The following PWP1 variants were observed in gnomAD, a reference collection of about 807,000 sequenced individuals.
PWP1 encodes the protein PWP1 homolog, endonuclein.
Under a neutral mutation model 69.9 loss-of-function variants are expected in PWP1, and 47 were observed. The ratio of observed to expected loss-of-function variants is 0.67; its 90% CI spans 0.53 to 0.86. The LOEUF is 0.86. Among genes scored for constraint, PWP1 ranks in the 40% least tolerant of loss-of-function variants. The probability of loss-of-function intolerance (pLI) is 0.00; values close to 1 mark genes in which losing one functional copy is unlikely to be tolerated. For missense variants in PWP1, 551 were observed against 608.8 expected (o/e 0.91, Z 1.00); for synonymous variants, 222 against 208.2 (o/e 1.07, Z -0.57).
chr12:107,686,925 AG>A, intron 1 of PWP1, among the ~76,000 whole-genome samples: 2 of 141,712 alleles, frequency 1.4e-5, no homozygotes, highest in Non-Finnish European at 3.0e-5. Flanking sequence ...GAGATCGCAC[AG>A]CTGCACTCCA....
At chr12:107,701,520 G>A (rs575364719) in intron 8 of PWP1, among the ~76,000 whole-genome samples, 1 of 152,188 alleles carries the variant, frequency 6.6e-6, no homozygotes, top group African/African-American at 2.4e-5. Flanking sequence ...TTAAGTCAGG[G>A]TCATGAAGGT....
At chr12:107,688,959 G>A (rs935624098) in intron 3 of PWP1, among the ~76,000 whole-genome samples, 157 bp downstream of exon 3, 2 of 151,984 alleles carry the variant, frequency 1.3e-5, no homozygotes, top group Non-Finnish European at 2.9e-5. Flanking sequence ...TCCTAAACTA[G>A]TTTAGAAGAT....
chr12:107,691,532 G>A (rs1225322825), intron 3 of PWP1, among the ~76,000 whole-genome samples: 1 of 152,126 alleles, frequency 6.6e-6, no homozygotes, highest in Non-Finnish European at 1.5e-5. Context: ...GATAAATTAG[G>A]CCAGAAGCAA....
intron 8 of PWP1, among the ~76,000 whole-genome samples, chr12:107,702,117 G>T (rs1006536895): frequency 2.0e-5 from 3 of 152,132 alleles, no homozygotes; most frequent in Non-Finnish European, 4.4e-5. Context: ...GTAGCACATT[G>T]TTGTGATTGC....
chr12:107,701,287 C>T (rs1037332216), intron 8 of PWP1, among the ~76,000 whole-genome samples: 1 of 152,154 alleles, frequency 6.6e-6, no homozygotes, highest in Non-Finnish European at 1.5e-5. Context: ...GCCACCAAGC[C>T]TGGCCTCCCT....
chr12:107,698,358 AG>A (rs1316904170), intron 7 of PWP1, among the ~76,000 whole-genome samples: 1 of 151,862 alleles, frequency 6.6e-6, no homozygotes, highest in Non-Finnish European at 1.5e-5. Context: ...CTCTGTCTCA[AG>A]GGAAAAAAAA....
chr12:107,707,036 G>A lies in PWP1; in HGVS notation c.1078-1890G>A, dbSNP rs1889837968. Among the ~76,000 whole-genome samples, 3 of 152,106 alleles carry A rather than the reference G, an allele frequency of 2.0e-5. No homozygotes were observed. The South Asian group carries it at 6.2e-4, about 32-fold the overall frequency. ...ATTGATTCTTCCTATCCATGAGCAT[G>A]GAATGTTCTTCCATTTGTTTGTGTC... On this transcript the variant is annotated intron_variant, in intron 11 of 14. Transcript: ENST00000412830.
chr12:107,701,678 A>G (rs1566080607), intron 8 of PWP1, among the ~76,000 whole-genome samples: 1 of 151,232 alleles, frequency 6.6e-6, no homozygotes, highest in South Asian at 2.1e-4. Flanking sequence ...TCCCTGAACC[A>G]TTTGTTTTTG....
In PWP1 at chr12:107,697,493, A is replaced by ACC. The variant is rs1889612976; in HGVS notation, c.643_644dup (p.Val216LeufsTer10). 1 of 1,599,954 alleles carries ACC rather than the reference A, an allele frequency of 6.3e-7. No individual in the cohort carries two copies. The highest frequency in any genetic ancestry group is 8.5e-7 in the Non-Finnish European group (1 of 1,175,032). On this transcript the variant is annotated frameshift_variant, in exon 7 of 15. Coordinates refer to ENST00000412830, the MANE Select transcript of PWP1 (RefSeq NM_007062.3). LOFTEE classifies it high-confidence loss of function. Reference sequence around the variant, plus strand: ...AAATTACATTGCTGTAGGAAACATGACCCCTGTTATTGAAGTGTGGGACCT... The same window carrying ACC: ...AAATTACATTGCTGTAGGAAACATGACCCCCCTGTTATTGAAGTGTGGGACCT...
At position 107,688,731 on chromosome 12, in the gene PWP1, A is replaced by G; in HGVS notation, c.248A>G (p.Asp83Gly). The G allele has an allele frequency of 1.2e-6, 2 of 1,614,242 alleles. No homozygotes were observed. The highest frequency in any genetic ancestry group is 2.2e-5 in the South Asian group (2 of 91,092). ...REPLEDGDPE[D>G]DRTLDDDELA... ...CCCCTGGAGGATGGTGACCCAGAGG[A>G]TGACAGGACGCTTGATGATGATGAG... The change falls in exon 3 of 15, where the codon GAT (aspartate) becomes GGT (glycine). Residue 83 changes from aspartate to glycine, a missense_variant. Coordinates refer to ENST00000412830, the MANE Select transcript of PWP1 (RefSeq NM_007062.3).
chr12:107,688,418 T>C (rs1465396570), intron 1 of PWP1, 30 bp from the exon 2 acceptor site: 4 of 1,572,810 alleles, frequency 2.5e-6, no homozygotes, highest in African/African-American at 1.4e-5. Context: ...TCCTTACACA[T>C]ATTGTAATGA....
At position 107,696,599 on chromosome 12, in the gene PWP1, T is replaced by C; in HGVS notation, c.613+15T>C. ...TGATTCTACTGGTAATTAGAAAACT[T>C]AAGGTTGTTCAATGATTTCCAGTCT... On this transcript the variant is annotated intron_variant, in intron 6 of 14. Transcript: ENST00000412830. The C allele has an allele frequency of 3.1e-6, 5 of 1,613,338 alleles. No individual in the cohort carries two copies. The highest frequency in any genetic ancestry group is 4.2e-6 in the Non-Finnish European group (5 of 1,179,786).
intron 11 of PWP1, among the ~76,000 whole-genome samples, chr12:107,706,823 T>C (rs1412249514): frequency 6.6e-6 from 1 of 152,212 alleles, no homozygotes; most frequent in Non-Finnish European, 1.5e-5. Context: ...TAGTTTGAAG[T>C]CAGGTAGCAT....
At position 107,703,589 on chromosome 12, in the gene PWP1, A is replaced by G. The variant is rs61938563; in HGVS notation, c.904-96A>G. ...TACTGTATTTCAGAGGGACGCATTT[A>G]TAGAAATACTGTCAAATAGATTCTT... On this transcript the variant is annotated intron_variant, in intron 9 of 14. Coordinates refer to ENST00000412830, the MANE Select transcript of PWP1 (RefSeq NM_007062.3). 1,466 of 1,050,848 alleles carry G rather than the reference A, an allele frequency of 1.4e-3. 3 individuals carry two copies. The highest frequency in any genetic ancestry group is 2.7e-3 in the South Asian group (208 of 76,826). 65.1% of individuals were successfully genotyped at this position (1,050,848 alleles called of 1,614,324 possible).
Position 107,711,005 on chromosome 12 carries a change from T to C in PWP1, c.1396+495T>C, listed in dbSNP as rs1180891142. On this transcript the variant is annotated intron_variant, in intron 14 of 14. Transcript: ENST00000412830. ...CACACAGAAATATAGAGATGTGAAGTGGGAAATCAGGGGTCTCACAGCCTT... is the reference window on the plus strand; with the variant it reads ...CACACAGAAATATAGAGATGTGAAGCGGGAAATCAGGGGTCTCACAGCCTT... 3.3e-5 allele frequency among the ~76,000 whole-genome samples: 5 copies of C among 152,256 alleles called. No individual in the cohort carries two copies. In the East Asian group the frequency reaches 9.6e-4, roughly 29 times the overall value.
In PWP1 at chr12:107,692,898, CAGTA is replaced by C. The variant is rs376991812; in HGVS notation, c.405+4_405+7del. 371 of 1,613,790 alleles carry C rather than the reference CAGTA, an allele frequency of 2.3e-4. No individual in the cohort carries two copies. The African/African-American group carries it at 4.1e-3, about 18-fold the overall frequency. ...GATCCTTACGTTACTCTGAAAGATA[CAGTA>C]AGTATTTACATCTTTTTTCTAATTA... is the stretch of plus-strand genomic sequence containing the variant. On this transcript the variant is annotated splice_donor_variant and splice_donor_region_variant and coding_sequence_variant and intron_variant, in exon 4 of 15. Transcript: ENST00000412830. LOFTEE classifies it high-confidence loss of function.
intron 5 of PWP1, among the ~76,000 whole-genome samples, chr12:107,694,314 G>A (rs1889541527): frequency 6.6e-6 from 1 of 152,162 alleles, no homozygotes; most frequent in African/African-American, 2.4e-5. Flanking sequence ...AAACTTTGAA[G>A]ATTCGAAGAG....
intron 1 of PWP1, chr12:107,686,212 C>G: frequency 1.7e-6 from 1 of 578,558 alleles, no homozygotes; most frequent in East Asian, 2.8e-5. Context: ...CAACCCCACT[C>G]CCAAATTCGC....
At chr12:107,705,769 A>G (rs1889811204) in intron 11 of PWP1, among the ~76,000 whole-genome samples, 1 of 151,938 alleles carries the variant, frequency 6.6e-6, no homozygotes, top group South Asian at 2.1e-4. Context: ...AATCCAGTCT[A>G]TCATTGATGG....
Sources: allele counts gnomAD v4.1 joint callset (sites outside exome capture counted in the v4.1 genomes callset), GRCh38; gene constraint gnomAD v4.1.1; transcripts MANE v1.5; gene names NCBI Gene and HGNC (gene_info 2026-07-23, HGNC 2026-07-21).